MAD1L1: variants seen among roughly 807,000 people sequenced by gnomAD.
MAD1L1 encodes mitotic spindle assembly checkpoint protein MAD1.
Under a neutral mutation model 96.9 loss-of-function variants are expected in MAD1L1, and 95 were observed. That is an observed-to-expected ratio of 0.98 (90% confidence interval 0.83 to 1.16). MAD1L1 has a LOEUF of 1.16. Among genes scored for constraint, MAD1L1 ranks in the 50% most tolerant of loss-of-function variants. The probability of loss-of-function intolerance (pLI) is 0.00; values close to 1 mark genes in which losing one functional copy is unlikely to be tolerated. For missense variants in MAD1L1, 1,007 were observed against 954.4 expected, an observed-to-expected ratio of 1.06 and a Z score of -0.73; for synonymous variants, 473 against 396.6, an observed-to-expected ratio of 1.19 and a Z score of -2.29.
At chr7:2,144,713 G>T (rs911564604) in intron 11 of MAD1L1, among the ~76,000 whole-genome samples, 1 of 152,094 alleles carries the variant, frequency 6.6e-6, no homozygotes, top group South Asian at 2.1e-4. Flanking sequence ...GGGCAGCCCC[G>T]GGGTGCCCTG....
At chr7:2,186,295 T>C (rs556810451) in intron 10 of MAD1L1, among the ~76,000 whole-genome samples, 2 of 152,258 alleles carry the variant, frequency 1.3e-5, no homozygotes, top group South Asian at 4.1e-4. Flanking sequence ...AAAGAAAAAA[T>C]TGGCAACAAC....
In MAD1L1 at chr7:1,968,226, G is replaced by A. The variant is rs562047975; in HGVS notation, c.1506-10507C>T. Among the ~76,000 whole-genome samples, 80 of 152,204 alleles carry A rather than the reference G, an allele frequency of 5.3e-4. No individual in the cohort carries two copies. Among genetic ancestry groups the A allele is most frequent in the Admixed American group, 1.4e-3 (21 of 15,292 alleles). On this transcript the variant is annotated intron_variant, in intron 15 of 18. Coordinates refer to ENST00000265854, the MANE Select transcript of MAD1L1 (RefSeq NM_001013836.2). This position sits in a 1 kb window ranked among gnomAD's most constrained non-coding sequence, Gnocchi z 5.6. Reference sequence around the variant, plus strand: ...TCCGGCGGTCAGGTCCACCGTCGACGCCTCAGTCCGGCGGTCAGGTCCACC... The same window carrying A: ...TCCGGCGGTCAGGTCCACCGTCGACACCTCAGTCCGGCGGTCAGGTCCACC...
At chr7:1,848,647 C>T (rs577457621) in intron 18 of MAD1L1, 4 of 154,398 alleles carry the variant, frequency 2.6e-5, no homozygotes, top group Non-Finnish European at 5.9e-5. Flanking sequence ...CTCCTGGTTC[C>T]GAGAGCCCAG....
chr7:2,093,082 A>T (rs186875372), intron 11 of MAD1L1, among the ~76,000 whole-genome samples: 86 of 151,830 alleles, frequency 5.7e-4, no homozygotes, highest in East Asian at 1.4e-3. Context: ...CAAAAAAAAA[A>T]ATATATACAA....
At chr7:1,956,683 T>C (rs1328740926) in intron 16 of MAD1L1, among the ~76,000 whole-genome samples, 1 of 152,090 alleles carries the variant, frequency 6.6e-6, no homozygotes, top group South Asian at 2.1e-4. Flanking sequence ...TGACAGCCCT[T>C]GGCATCTCCC....
At chr7:1,910,304 G>A (rs183055503) in intron 17 of MAD1L1, among the ~76,000 whole-genome samples, 2 of 152,208 alleles carry the variant, frequency 1.3e-5, no homozygotes, top group African/African-American at 2.4e-5. Flanking sequence ...CCCTGCATAT[G>A]TGGGGGGACG....
intron 10 of MAD1L1, among the ~76,000 whole-genome samples, chr7:2,199,832 T>A (rs1275987867): frequency 1.3e-5 from 2 of 152,136 alleles, no homozygotes; most frequent in African/African-American, 4.8e-5. Context: ...CCTAGGTGCT[T>A]CCCAACGCCA....
At chr7:1,976,445 G>C (rs1044632365) in intron 15 of MAD1L1, among the ~76,000 whole-genome samples, 7 of 152,068 alleles carry the variant, frequency 4.6e-5, no homozygotes, top group African/African-American at 1.7e-4. Flanking sequence ...GGAGTTGTTC[G>C]TTCCTCCCAG....
At chr7:1,868,589 G>C (rs1324455749) in intron 18 of MAD1L1, among the ~76,000 whole-genome samples, 1 of 152,120 alleles carries the variant, frequency 6.6e-6, no homozygotes, top group African/African-American at 2.4e-5. Flanking sequence ...TGGGGTCCTG[G>C]GATTAGGCTT....
At position 2,213,061 on chromosome 7, in the gene MAD1L1, C is replaced by T. The variant is rs1300428300; in HGVS notation, c.986+151G>A. ...CTGCCCCATCCGCTGGGAAAGGCCTCATTAAACCTGAGCAGCCCAGGACAA... is the reference window on the plus strand; with the variant it reads ...CTGCCCCATCCGCTGGGAAAGGCCTTATTAAACCTGAGCAGCCCAGGACAA... On this transcript the variant is annotated intron_variant, in intron 10 of 18. Transcript: ENST00000265854. 6.9e-6 allele frequency: 5 copies of T among 721,204 alleles called. No homozygotes were observed. The East Asian group carries it at 1.1e-4, about 16-fold the overall frequency. 44.7% of individuals were successfully genotyped at this position (721,204 alleles called of 1,614,324 possible).
intron 15 of MAD1L1, among the ~76,000 whole-genome samples, chr7:1,970,376 C>T (rs1439744532): frequency 6.8e-6 from 1 of 146,664 alleles, no homozygotes; most frequent in East Asian, 2.0e-4. Flanking sequence ...CTCTGTTACC[C>T]AGGTTGGAGT....
intron 14 of MAD1L1, among the ~76,000 whole-genome samples, chr7:1,995,991 A>G (rs1247285189): frequency 6.6e-6 from 1 of 152,226 alleles, no homozygotes; most frequent in Non-Finnish European, 1.5e-5. Flanking sequence ...GGATGTGACC[A>G]GACAGATTCC....
intron 11 of MAD1L1, among the ~76,000 whole-genome samples, chr7:2,133,767 C>T (rs565710333): frequency 3.9e-5 from 6 of 152,280 alleles, no homozygotes; most frequent in East Asian, 3.9e-4. Flanking sequence ...GTGGCTGTTC[C>T]GCTGTTCCAG....
intron 5 of MAD1L1, chr7:2,221,123 G>T: frequency 8.8e-7 from 1 of 1,131,826 alleles, no homozygotes; most frequent in Non-Finnish European, 1.3e-6. Context: ...AGCAGCACCT[G>T]CAGCGCCACC....
chr7:1,978,035 C>T (rs1452282900), intron 15 of MAD1L1, among the ~76,000 whole-genome samples: 1 of 152,258 alleles, frequency 6.6e-6, no homozygotes, highest in African/African-American at 2.4e-5. Flanking sequence ...CCACACCAGC[C>T]CAGACCTTCC....
chr7:2,038,474 G>A (rs1043662726), intron 12 of MAD1L1, among the ~76,000 whole-genome samples: 1 of 136,558 alleles, frequency 7.3e-6, no homozygotes, highest in South Asian at 2.7e-4. Flanking sequence ...AGCTGATGCT[G>A]TTAGGAGATA....
intron 11 of MAD1L1, among the ~76,000 whole-genome samples, chr7:2,090,968 T>C (rs1253023421): frequency 6.6e-6 from 1 of 152,254 alleles, no homozygotes; most frequent in Non-Finnish European, 1.5e-5. Context: ...GAGCTGCATC[T>C]GCCCCATTGA....
intron 11 of MAD1L1, among the ~76,000 whole-genome samples, chr7:2,112,447 T>C (rs758023526): frequency 1.2e-4 from 19 of 152,260 alleles, no homozygotes; most frequent in Admixed American, 9.2e-4. Flanking sequence ...CCACTTCCAC[T>C]GGGAACGGTA....
chr7:1,840,991 T>C (rs1482855676), intron 18 of MAD1L1, among the ~76,000 whole-genome samples: 1 of 152,210 alleles, frequency 6.6e-6, no homozygotes, highest in Non-Finnish European at 1.5e-5. Flanking sequence ...AGCCTGGATG[T>C]GATGCCCAAA....
Sources: allele counts gnomAD v4.1 joint callset (sites outside exome capture counted in the v4.1 genomes callset), GRCh38; gene constraint gnomAD v4.1.1; non-coding constraint Gnocchi (gnomAD v3.1); transcripts MANE v1.5; gene names NCBI Gene and HGNC (gene_info 2026-07-23, HGNC 2026-07-21).